PAGE4: variants seen among roughly 807,000 people sequenced by gnomAD.
PAGE4 encodes the protein P antigen family member 4.
A neutral mutation model predicts 8.5 loss-of-function variants in PAGE4; 1 was observed. The observed-to-expected ratio is 0.12, with a 90% CI of 0.04 to 0.56. The LOEUF (loss-of-function observed/expected upper bound fraction) is 0.56, where lower values mean the gene tolerates loss of function less well. Among genes scored for constraint, PAGE4 ranks in the 20% least tolerant of loss-of-function variants. The pLI, the probability that PAGE4 is intolerant of heterozygous loss-of-function variation, is 0.91. For missense variants in PAGE4, 93 were observed against 82.7 expected (o/e 1.13, Z -0.49); for synonymous variants, 26 against 26.3 (o/e 0.99, Z 0.04).
In PAGE4 at chrX:49,832,570, C is replaced by A; in HGVS notation, c.212C>A (p.Thr71Asn). The change falls in exon 4 of 5, where the codon ACT becomes AAT. Residue 71 changes from threonine (T) to asparagine (N), a missense_variant. Thr to Asn is a moderately conservative substitution (Grantham distance 65). Coordinates refer to ENST00000218068, the MANE Select transcript of PAGE4 (RefSeq NM_007003.4). ...GDCQEMDLEK[T>N]RSERGDGSDV... is the part of the protein sequence containing the mutation. ...TGCCAGGAAATGGATCTGGAAAAGA[C>A]TCGGAGTGAGCGTGGAGATGGCTCT... is the stretch of plus-strand genomic sequence containing the variant. The A allele has an allele frequency of 8.4e-7, 1 of 1,195,258 alleles. No individual in the cohort carries two copies. The highest frequency in any genetic ancestry group is 1.1e-6 in the Non-Finnish European group (1 of 881,577).
In PAGE4 at chrX:49,834,016, T is replaced by C. The variant is rs1923554263; in HGVS notation, c.*154T>C. 1 of 438,265 alleles carries C rather than the reference T, an allele frequency of 2.3e-6. No individual in the cohort carries two copies. The highest frequency in any genetic ancestry group is 3.9e-5 in the South Asian group (1 of 25,533). 36.1% of individuals were successfully genotyped at this position (438,265 alleles called of 1,213,427 possible). On this transcript the variant is annotated 3_prime_UTR_variant, in exon 5 of 5. Coordinates refer to ENST00000218068, the MANE Select transcript of PAGE4 (RefSeq NM_007003.4). The stretch of plus-strand genomic sequence containing the variant: ...ATTTATTCCTAGGAAATTGACACTA[T>C]TGTAAATGGTATCTTTAAAAAATCC...
chrX:49,832,806 A>C (rs1557156778), intron 4 of PAGE4, among the ~76,000 whole-genome samples, 156 bp downstream of exon 4: 2 of 112,193 alleles, frequency 1.8e-5, no homozygotes, highest in Non-Finnish European at 3.8e-5. Flanking sequence ...ATTAGGTCAA[A>C]GCCATGTTGT....
At chrX:49,831,752 C>A (rs782432402) in intron 3 of PAGE4, among the ~76,000 whole-genome samples, 3 of 111,813 alleles carry the variant, frequency 2.7e-5, no homozygotes. Context: ...TATTGCTGAA[C>A]CACTTGAGAG....
At chrX:49,833,389 G>A (rs1187121383) in intron 4 of PAGE4, among the ~76,000 whole-genome samples, 1 of 111,945 alleles carries the variant, frequency 8.9e-6, no homozygotes, top group Non-Finnish European at 1.9e-5. Flanking sequence ...AAATGGAATG[G>A]CATTCTTTGA....
Position 49,834,033 on chromosome X carries a change from A to T in PAGE4, c.*171A>T. The stretch of plus-strand genomic sequence containing the variant: ...TGACACTATTGTAAATGGTATCTTT[A>T]AAAAATCCTTGTGTTCTGTTTAGAG... On this transcript the variant is annotated 3_prime_UTR_variant, in exon 5 of 5. Transcript: ENST00000218068. 2 of 435,993 alleles carry T rather than the reference A, an allele frequency of 4.6e-6. No individual in the cohort carries two copies. The highest frequency in any genetic ancestry group is 7.6e-5 in the South Asian group (2 of 26,298). 35.9% of individuals were successfully genotyped at this position (435,993 alleles called of 1,213,427 possible). A position where few individuals can be genotyped will look rare whatever the true frequency, so the allele number is the denominator to read the frequency against.
Position 49,832,637 on chromosome X carries a change from G to C in PAGE4, c.279G>C (p.Lys93Asn), listed in dbSNP as rs1923513067. 18 of 1,199,897 alleles carry C rather than the reference G, an allele frequency of 1.5e-5. No individual in the cohort carries two copies. Among genetic ancestry groups the C allele is most frequent in the Non-Finnish European group, 2.0e-5 (18 of 890,051 alleles). ...CTCCACCTAATCCTAAGCATGCTAA[G>C]ACTAAAGAAGCAGGTACGTTATTCA... The part of the protein sequence containing the change: ...EKTPPNPKHA[K>N]TKEAGDGQP The change falls in exon 4 of 5, where the codon AAG (lysine) becomes AAC (asparagine). Residue 93 changes from lysine to asparagine, a missense_variant. Physicochemically the swap from Lys to Asn is moderately conservative, Grantham distance 94. Coordinates refer to ENST00000218068, the MANE Select transcript of PAGE4 (RefSeq NM_007003.4).
In PAGE4 at chrX:49,833,936, TTCTC is replaced by T; in HGVS notation, c.*77_*80del. 1.2e-6 allele frequency: 1 copy of T among 801,457 alleles called. No homozygotes were observed. Among genetic ancestry groups the T allele is most frequent in the Non-Finnish European group, 1.8e-6 (1 of 543,745 alleles). 66.0% of individuals were successfully genotyped at this position (801,457 alleles called of 1,213,427 possible). On this transcript the variant is annotated 3_prime_UTR_variant, in exon 5 of 5. Coordinates refer to ENST00000218068, the MANE Select transcript of PAGE4 (RefSeq NM_007003.4). ...GAAAATGTGACTGAAAATTTGAAAA[TTCTC>T]TCAATAAAGTTTGAGTTTTCTCTGA...
At chrX:49,833,153 C>A (rs975289066) in intron 4 of PAGE4, among the ~76,000 whole-genome samples, 6 of 111,508 alleles carry the variant, frequency 5.4e-5, no homozygotes, top group Admixed American at 9.5e-5. Flanking sequence ...TTAAATAAAC[C>A]AATAAGACCA....
rs1330989784 is a variant in PAGE4 at position 49,830,987 on chromosome X, C to G, written c.79-10C>G. On this transcript the variant is annotated splice_polypyrimidine_tract_variant and intron_variant, in intron 2 of 4. Transcript: ENST00000218068. ...TCTATTTGCATCTACTCTCCCCCAC[C>G]TCTCAAAAGCCCGGTGAATCTCAGC... 6.1e-6 allele frequency: 7 copies of G among 1,156,163 alleles called. No homozygotes were observed. The African/African-American group carries it at 8.9e-5, about 15-fold the overall frequency.
intron 3 of PAGE4, 103 bp downstream of exon 3, chrX:49,831,187 G>A: frequency 1.9e-6 from 1 of 524,511 alleles, no homozygotes; most frequent in Non-Finnish European, 3.2e-6. Context: ...AACCTGTAAA[G>A]TAATCCTTGG....
chrX:49,830,110 G>A lies in PAGE4; in HGVS notation c.-30-289G>A, dbSNP rs782289481. 1.8e-4 allele frequency: 29 copies of A among 164,866 alleles called. 1 individual carries two copies. Among genetic ancestry groups the A allele is most frequent in the African/African-American group, 8.9e-4 (29 of 32,479 alleles). 13.6% of individuals were successfully genotyped at this position (164,866 alleles called of 1,213,427 possible). A position where few individuals can be genotyped will look rare whatever the true frequency, so the allele number is the denominator to read the frequency against. On this transcript the variant is annotated intron_variant, in intron 1 of 4. Coordinates refer to ENST00000218068, the MANE Select transcript of PAGE4 (RefSeq NM_007003.4). ...GGGGACCTGGGGAGGAGGGGACCTG[G>A]GGTGGCTGTATATTAAAAAATCTCT...
At chrX:49,832,137 C>T (rs1322985931) in intron 3 of PAGE4, among the ~76,000 whole-genome samples, 1 of 111,862 alleles carries the variant, frequency 8.9e-6, no homozygotes, top group Non-Finnish European at 1.9e-5. Context: ...TTTTTACAGA[C>T]ATTTTTTTCA....
In PAGE4 at chrX:49,830,360, A is replaced by G. The variant is rs1227109179; in HGVS notation, c.-30-39A>G. ...AAAAAATTACAATCAGCAGATGGCC[A>G]TGGAAAGAGTCAAGTATAATTACTC... On this transcript the variant is annotated intron_variant, in intron 1 of 4. Transcript: ENST00000218068. 11 of 703,156 alleles carry G rather than the reference A, an allele frequency of 1.6e-5. No homozygotes were observed. The East Asian group carries it at 2.5e-4, about 16-fold the overall frequency. The allele number at this position is 703,156 out of a possible 1,213,427, so 57.9% of individuals were successfully genotyped here.
intron 3 of PAGE4, among the ~76,000 whole-genome samples, chrX:49,831,870 T>C (rs1557156650): frequency 8.9e-6 from 1 of 112,112 alleles, no homozygotes; most frequent in Non-Finnish European, 1.9e-5. Context: ...TCAGGAAAAT[T>C]AGCATTGAGA....
At chrX:49,830,638 C>A in intron 2 of PAGE4, 132 bp downstream of exon 2, 1 of 462,242 alleles carries the variant, frequency 2.2e-6, no homozygotes, top group Non-Finnish European at 3.7e-6. Flanking sequence ...CAAACTAAAT[C>A]ACATTAATGA....
At chrX:49,830,252 C>CAGAT (rs1445108926) in intron 1 of PAGE4, 147 bp from the exon 2 acceptor site, 25 of 370,688 alleles carry the variant, frequency 6.7e-5, no homozygotes, top group Non-Finnish European at 1.1e-4. Context: ...AAGCAGTTTG[C>CAGAT]AGATAGATTT....
chrX:49,830,889 T>G (rs1923455413), intron 2 of PAGE4, 108 bp from the exon 3 acceptor site: 1 of 530,855 alleles, frequency 1.9e-6, no homozygotes, highest in South Asian at 2.9e-5. Context: ...CTCTTCAGAT[T>G]TATTTGTGAC....
intron 2 of PAGE4, chrX:49,830,753 A>C (rs1197065190): frequency 2.3e-6 from 1 of 430,761 alleles, no homozygotes; most frequent in African/African-American, 2.5e-5. Context: ...TTAATAAATA[A>C]TACAGCCCAG....
At chrX:49,829,905 A>G (rs868931361) in intron 1 of PAGE4, 29 of 112,893 alleles carry the variant, frequency 2.6e-4, no homozygotes, top group South Asian at 1.5e-3. Context: ...GAAGGGCCTC[A>G]CAGGTGGTGG....
Sources: gnomAD v4.1 joint callset for allele counts (sites outside exome capture counted in the v4.1 genomes callset) on GRCh38, gnomAD v4.1.1 for gene constraint, MANE v1.5 for transcripts, NCBI Gene and HGNC (gene_info 2026-07-23, HGNC 2026-07-21) for gene names.